Variants in DST observed in about 807,000 individuals in gnomAD.
DST encodes dystonin, also known as bullous pemphigoid antigen.
A neutral mutation model predicts 875.2 loss-of-function variants in DST; 253 were observed. That is an observed-to-expected ratio of 0.29 (90% CI 0.26 to 0.32). DST has a LOEUF of 0.32. Among genes scored for constraint, DST ranks in the 10% least tolerant of loss-of-function variants. DST has a pLI of 1.00. For synonymous variants in DST, 3,124 were observed against 3,197.1 expected (o/e 0.98, Z 0.77); for missense variants, 8,287 against 9,111.6 (o/e 0.91, Z 3.68).
chr6:56,495,358 T>C (rs892850580), intron 82 of DST, among the ~76,000 whole-genome samples: 1 of 152,048 alleles, frequency 6.6e-6, no homozygotes, highest in African/African-American at 2.4e-5. Context: ...ATTTATTATA[T>C]AGGGTTACAA....
chr6:56,620,083 C>T (rs1161496458), intron 36 of DST: 1 of 1,613,602 alleles, frequency 6.2e-7, no homozygotes, highest in African/African-American at 1.3e-5. Context: ...TTCTTGCTTC[C>T]AATTCAATTT....
chr6:56,606,858 A>C lies in DST; in HGVS notation c.7770T>G (p.Tyr2590Ter). ...LLDETISASDYETSLLNDQQN... is the reference protein window; with the variant it reads ...LLDETISASD ...GCTGATCATTCAGCAGTGACGTTTC[A>C]TAGTCACTAGCACTGATGGTTTCAT... Residue 2590 changes from tyrosine (Y) to a stop codon, truncating the protein, a stop_gained, in exon 40 of 104, where the codon TAT (tyrosine) becomes TAG (stop). Coordinates refer to ENST00000680361, the MANE Select transcript of DST (RefSeq NM_001374736.1). LOFTEE classifies it high-confidence loss of function. 4.3e-6 allele frequency: 7 copies of C among 1,613,364 alleles called. No homozygotes were observed. The highest frequency in any genetic ancestry group is 5.9e-6 in the Non-Finnish European group (7 of 1,179,576).
At chr6:56,827,795 A>C (rs2099782542) in intron 4 of DST, among the ~76,000 whole-genome samples, 1 of 152,212 alleles carries the variant, frequency 6.6e-6, no homozygotes, top group Non-Finnish European at 1.5e-5. Flanking sequence ...GGGAATGTAA[A>C]ATATATGTGT....
intron 2 of DST, chr6:56,945,800 G>A (rs924825201): frequency 3.3e-5 from 5 of 151,146 alleles, no homozygotes; most frequent in African/African-American, 9.7e-5. Context: ...CCCTGCACAA[G>A]GATGAAACAC....
At chr6:56,562,310 G>T in intron 55 of DST, 110 bp from the exon 56 acceptor site, 1 of 434,382 alleles carries the variant, frequency 2.3e-6, no homozygotes, top group Non-Finnish European at 3.9e-6. Context: ...ATAAAACACT[G>T]ACTCAACTTC....
intron 36 of DST, chr6:56,620,586 G>C: frequency 6.2e-7 from 1 of 1,613,958 alleles, no homozygotes; most frequent in Non-Finnish European, 8.5e-7. Context: ...TGTTTCTTTA[G>C]TTCAGCTACC....
intron 3 of DST, among the ~76,000 whole-genome samples, chr6:56,865,364 G>A (rs1243217719): frequency 6.6e-6 from 1 of 151,984 alleles, no homozygotes; most frequent in East Asian, 1.9e-4. Context: ...CTAGGCTGAA[G>A]TGTGGTGGTA....
At chr6:56,880,071 T>C (rs1372520595) in intron 3 of DST, among the ~76,000 whole-genome samples, 1 of 152,248 alleles carries the variant, frequency 6.6e-6, no homozygotes, top group Non-Finnish European at 1.5e-5. Context: ...ACTTTGGATA[T>C]GTAACATACA....
chr6:56,855,900 G>C (rs111431795), intron 3 of DST, among the ~76,000 whole-genome samples: 3,702 of 152,276 alleles, frequency 0.024, 141 homozygotes, highest in African/African-American at 0.083. Context: ...CACTGGCATG[G>C]GGAGAAAGTG....
intron 85 of DST, among the ~76,000 whole-genome samples, chr6:56,490,981 T>C (rs2095716480): frequency 6.6e-6 from 1 of 152,146 alleles, no homozygotes; most frequent in African/African-American, 2.4e-5. Context: ...GCTACTGATA[T>C]CCAAGAAACA....
At chr6:56,734,446 A>C (rs2099515738) in intron 5 of DST, among the ~76,000 whole-genome samples, 1 of 152,252 alleles carries the variant, frequency 6.6e-6, no homozygotes, top group South Asian at 2.1e-4. Flanking sequence ...CACATTTAAA[A>C]TAACATTTCT....
chr6:56,900,894 A>AG (rs1219420147), intron 2 of DST, among the ~76,000 whole-genome samples: 2 of 144,098 alleles, frequency 1.4e-5, no homozygotes, highest in Non-Finnish European at 3.1e-5. Flanking sequence ...AAAAAAAAGG[A>AG]GGGAAAAAAA....
rs1287388432 is a variant in DST, at chr6:56,606,979, T to C, written c.7649A>G (p.Asp2550Gly). The change falls in exon 40 of 104, where the codon GAT (aspartate) becomes GGT (glycine). Residue 2550 changes from aspartate to glycine, a missense_variant. Physicochemically the swap from Asp to Gly is moderately conservative, Grantham distance 94. Around this residue, in one of 10 missense-constraint regions of DST, gnomAD observed 3,138 missense variants for 3,116.6 expected, o/e 1.01. Transcript: ENST00000680361. Reference sequence around the variant, plus strand: ...GGAATACTCTTCTATTTCAGACTCATCTTCCTTGTCTTCAGGCATCTGCTG... The same window carrying C: ...GGAATACTCTTCTATTTCAGACTCACCTTCCTTGTCTTCAGGCATCTGCTG... Reference protein sequence around the residue: ...GFQQMPEDKEDESEIEEYSCA... With the variant: ...GFQQMPEDKEGESEIEEYSCA... The C allele has an allele frequency of 6.2e-7, 1 of 1,613,388 alleles. No individual in the cohort carries two copies. The highest frequency in any genetic ancestry group is 1.3e-5 in the African/African-American group (1 of 74,888).
In DST at chr6:56,634,193, A is replaced by C; in HGVS notation, c.3560T>G (p.Val1187Gly). 6.2e-7 allele frequency: 1 copy of C among 1,613,630 alleles called. No individual in the cohort carries two copies. The highest frequency in any genetic ancestry group is 8.5e-7 in the Non-Finnish European group (1 of 1,179,942). Residue 1187 changes from valine (V) to glycine (G), a missense_variant, in exon 27 of 104, where the codon GTA becomes GGA. Physicochemically the swap from Val to Gly is moderately radical, Grantham distance 109. Transcript: ENST00000680361. ...ATTGATGAGATAATGCCAGGATACTACACTCTTCATGTTTATGTGAGACTC... is the reference window on the plus strand; with the variant it reads ...ATTGATGAGATAATGCCAGGATACTCCACTCTTCATGTTTATGTGAGACTC... ...WHESHINMKS[V>G]VSWHYLINEI...
At chr6:56,777,793 GC>G (rs1431430508) in intron 4 of DST, among the ~76,000 whole-genome samples, 3 of 151,700 alleles carry the variant, frequency 2.0e-5, no homozygotes, top group Non-Finnish European at 4.4e-5. Context: ...AGCCTTCTGG[GC>G]CCAAGCCATC....
At chr6:56,662,555 A>G (rs549757372) in intron 10 of DST, among the ~76,000 whole-genome samples, 267 of 152,328 alleles carry the variant, frequency 1.8e-3, no homozygotes, top group Middle Eastern at 0.014. Flanking sequence ...CAGATGAGCT[A>G]TCTTCCTACC....
chr6:56,942,706 CTT>C (rs67354752), intron 2 of DST, among the ~76,000 whole-genome samples: 46,848 of 66,622 alleles, frequency 0.7, 16,086 homozygotes, highest in South Asian at 0.79. Flanking sequence ...TGCCATTTCT[CTT>C]TTTTTTTTTT....
chr6:56,573,555 C>T lies in DST; in HGVS notation c.13236+124G>A, dbSNP rs537292662. On this transcript the variant is annotated intron_variant, in intron 51 of 103. Coordinates refer to ENST00000680361, the MANE Select transcript of DST (RefSeq NM_001374736.1). The stretch of plus-strand genomic sequence containing the variant: ...TTTTGTGCAAGCATTACTTTCCACA[C>T]TCATATTCAGTAAATGTCTCTTTTT... 51 of 703,250 alleles carry T rather than the reference C, an allele frequency of 7.3e-5. No individual in the cohort carries two copies. The South Asian group carries it at 8.7e-4, about 12-fold the overall frequency. The allele number at this position is 703,250 out of a possible 1,614,324, so 43.6% of individuals were successfully genotyped here. A position where few individuals can be genotyped will look rare whatever the true frequency, so the allele number is the denominator to read the frequency against.
intron 2 of DST, among the ~76,000 whole-genome samples, chr6:56,949,638 T>A (rs1821356469): frequency 6.6e-6 from 1 of 152,224 alleles, no homozygotes; most frequent in Non-Finnish European, 1.5e-5. Context: ...AATAATTGGG[T>A]GACACTCAGT....
Sources: gnomAD v4.1 joint callset for allele counts (sites outside exome capture counted in the v4.1 genomes callset) on GRCh38, gnomAD v4.1.1 for gene constraint, gnomAD v4.1.1 regional missense constraint, MANE v1.5 for transcripts, NCBI Gene and HGNC (gene_info 2026-07-23, HGNC 2026-07-21) for gene names.